Variants in RBFOX1 observed in about 807,000 individuals in gnomAD.
The protein encoded by RBFOX1 is RNA binding protein fox-1 homolog 1.
Under a neutral mutation model 57.7 loss-of-function variants are expected in RBFOX1, and 8 were observed. That is an observed-to-expected ratio of 0.14 (90% confidence interval 0.08 to 0.25). RBFOX1 has a LOEUF of 0.25. Ranked by LOEUF, RBFOX1 falls within the 10% of genes least tolerant of loss-of-function variation. The probability of loss-of-function intolerance (pLI) is 1.00; values close to 1 mark genes in which losing one functional copy is unlikely to be tolerated. For missense variants in RBFOX1, 611 were observed against 548.5 expected (o/e 1.11, Z -1.14); for synonymous variants, 326 against 222.4 (o/e 1.47, Z -4.15).
chr16:5,963,549 T>C (rs2059790902), intron 4 of RBFOX1, among the ~76,000 whole-genome samples: 2 of 152,196 alleles, frequency 1.3e-5, no homozygotes, highest in African/African-American at 4.8e-5. Context: ...GGTACTGGCA[T>C]ATAAACAGAC....
intron 3 of RBFOX1, among the ~76,000 whole-genome samples, chr16:6,980,419 A>T (rs536953206): frequency 3.5e-4 from 53 of 152,254 alleles, no homozygotes; most frequent in African/African-American, 1.3e-3. Flanking sequence ...GCCATTTTCA[A>T]ACACAGAAAG....
At chr16:5,653,580 G>A (rs2049322371) in intron 3 of RBFOX1, among the ~76,000 whole-genome samples, 1 of 152,126 alleles carries the variant, frequency 6.6e-6, no homozygotes, top group Non-Finnish European at 1.5e-5. Context: ...TGGGGTGATT[G>A]CCTCTCCCTG....
chr16:5,920,931 A>C (rs751309768), intron 4 of RBFOX1, among the ~76,000 whole-genome samples: 1 of 95,444 alleles, frequency 1.0e-5, no homozygotes, highest in Non-Finnish European at 2.4e-5. Context: ...TGGGATGTGA[A>C]CATGTGCCGT....
intron 2 of RBFOX1, among the ~76,000 whole-genome samples, chr16:6,565,935 GT>G (rs980295377): frequency 6.6e-6 from 1 of 152,094 alleles, no homozygotes; most frequent in Non-Finnish European, 1.5e-5. Flanking sequence ...TTTTGTTTTT[GT>G]TTTTTTCCTC....
chr16:7,260,170 C>G (rs780612129), intron 4 of RBFOX1, among the ~76,000 whole-genome samples: 6 of 152,046 alleles, frequency 3.9e-5, no homozygotes, highest in Middle Eastern at 3.2e-3. Flanking sequence ...GAAATCAAAC[C>G]AAGACTTTCA....
At chr16:7,334,900 G>C (rs1205899145) in intron 4 of RBFOX1, among the ~76,000 whole-genome samples, 1 of 152,094 alleles carries the variant, frequency 6.6e-6, no homozygotes, top group African/African-American at 2.4e-5. Flanking sequence ...CGACACCTCT[G>C]GTAACTAGTT....
chr16:7,705,828 T>G (rs1206468034), intron 14 of RBFOX1, among the ~76,000 whole-genome samples: 3 of 152,174 alleles, frequency 2.0e-5, no homozygotes, highest in Non-Finnish European at 4.4e-5. Context: ...AGTCATCATG[T>G]GCATGGAGTA....
intron 2 of RBFOX1, among the ~76,000 whole-genome samples, chr16:6,568,549 A>G (rs970903937): frequency 2.0e-5 from 3 of 152,130 alleles, no homozygotes; most frequent in Non-Finnish European, 2.9e-5. Context: ...GAACTCTTGT[A>G]CAGTGTGGGA....
intron 1 of RBFOX1, among the ~76,000 whole-genome samples, chr16:5,436,297 C>T (rs12596488): frequency 0.45 from 69,062 of 151,972 alleles, 16,639 homozygotes; most frequent in East Asian, 0.63. Flanking sequence ...CATTTGGTGC[C>T]CTTGGTTCCA....
intron 2 of RBFOX1, among the ~76,000 whole-genome samples, chr16:6,358,037 A>G (rs1232163181): frequency 6.6e-6 from 1 of 152,128 alleles, no homozygotes; most frequent in Non-Finnish European, 1.5e-5. Context: ...AGCAACCTGA[A>G]GTTTCGGCTT....
intron 1 of RBFOX1, among the ~76,000 whole-genome samples, chr16:6,070,187 T>C (rs939004339): frequency 6.6e-6 from 1 of 152,190 alleles, no homozygotes; most frequent in Non-Finnish European, 1.5e-5. Context: ...AACAAAGCTG[T>C]TGTACAAAGA....
At chr16:7,007,732 A>G (rs945066957) in intron 3 of RBFOX1, among the ~76,000 whole-genome samples, 1 of 152,190 alleles carries the variant, frequency 6.6e-6, no homozygotes, top group African/African-American at 2.4e-5. Flanking sequence ...GTAAACTCCC[A>G]TGAAAATCAT....
chr16:5,979,807 C>T (rs189561546), intron 4 of RBFOX1, among the ~76,000 whole-genome samples: 5 of 151,906 alleles, frequency 3.3e-5, no homozygotes, highest in Admixed American at 2.0e-4. Context: ...GGTTGCAGTG[C>T]GCCGAGATCG....
At position 6,947,621 on chromosome 16, in the gene RBFOX1, C is replaced by T. The variant is rs144014831; in HGVS notation, c.-15-104436C>T. Reference sequence around the variant, plus strand: ...GCCTTGCGTAGAAGGAAAACTGTTCCTGGTTCCAGACAGAATGGATTTAAG... The same window carrying T: ...GCCTTGCGTAGAAGGAAAACTGTTCTTGGTTCCAGACAGAATGGATTTAAG... On this transcript the variant is annotated intron_variant, in intron 3 of 15. Transcript: ENST00000550418. Among the ~76,000 whole-genome samples, 374 of 152,318 alleles carry T rather than the reference C, an allele frequency of 2.5e-3. 2 individuals carry two copies. The highest frequency in any genetic ancestry group is 3.4e-3 in the Middle Eastern group (1 of 294).
chr16:6,715,733 T>TA (rs1432376579), intron 3 of RBFOX1, among the ~76,000 whole-genome samples: 1 of 149,394 alleles, frequency 6.7e-6, no homozygotes, highest in African/African-American at 2.6e-5. Context: ...GGGTGGTTTT[T>TA]ATCCAGTGAA....
intron 3 of RBFOX1, among the ~76,000 whole-genome samples, chr16:5,735,697 G>C (rs1442558040): frequency 6.6e-6 from 1 of 152,100 alleles, no homozygotes; most frequent in African/African-American, 2.4e-5. Flanking sequence ...AGGAGTTTGA[G>C]ACCACCCTGG....
chr16:6,059,181 G>T (rs1357353489), intron 1 of RBFOX1: 1 of 152,168 alleles, frequency 6.6e-6, no homozygotes. Context: ...TGGAGTAAAG[G>T]TTTTAATTTT....
chr16:7,201,626 C>G (rs887236499), intron 4 of RBFOX1, among the ~76,000 whole-genome samples: 3 of 152,066 alleles, frequency 2.0e-5, no homozygotes, highest in African/African-American at 7.2e-5. Flanking sequence ...CCACGCCTGG[C>G]TAATTTTTAG....
chr16:5,862,157 C>T (rs1050004516), intron 3 of RBFOX1, among the ~76,000 whole-genome samples: 2 of 152,186 alleles, frequency 1.3e-5, no homozygotes, highest in African/African-American at 2.4e-5. Context: ...CAAAGACGAC[C>T]TGCTAGACTC....
Sources: allele counts gnomAD v4.1 joint callset (sites outside exome capture counted in the v4.1 genomes callset), GRCh38; gene constraint gnomAD v4.1.1; transcripts MANE v1.5; gene names NCBI Gene and HGNC (gene_info 2026-07-23, HGNC 2026-07-21).